Variants in KCNN3 observed in about 807,000 individuals in gnomAD.
The protein encoded by KCNN3 is potassium calcium-activated channel subfamily N member 3.
In KCNN3, 16 loss-of-function variants were observed where a neutral mutation model predicts 62.9. That is an observed-to-expected ratio of 0.25 (90% CI 0.17 to 0.39). The LOEUF (loss-of-function observed/expected upper bound fraction) is 0.39. KCNN3 is among the 10% of genes least tolerant of loss of function. KCNN3 has a pLI of 1.00. For missense variants in KCNN3, 599 were observed against 949.4 expected (o/e 0.63, Z 4.85); for synonymous variants, 370 against 389.2 (o/e 0.95, Z 0.58).
At chr1:154,806,166 T>G (rs1288039849) in intron 2 of KCNN3, among the ~76,000 whole-genome samples, 2 of 152,126 alleles carry the variant, frequency 1.3e-5, no homozygotes, top group East Asian at 3.8e-4. Context: ...GGGAGGCCCC[T>G]AGGGAGTGTT....
At chr1:154,798,916 A>ATTTT (rs56240234) in intron 2 of KCNN3, among the ~76,000 whole-genome samples, 29 of 131,280 alleles carry the variant, frequency 2.2e-4, no homozygotes, top group African/African-American at 7.3e-4. Context: ...CACTTATTGC[A>ATTTT]TTTTTTTTTT....
Position 154,772,040 on chromosome 1 carries a change from A to T in KCNN3, c.1383T>A (p.Thr461=). Residue 461 remains threonine, a synonymous_variant, in exon 3 of 8, where the codon ACT becomes ACA. Transcript: ENST00000271915. This position sits in a 1 kb window ranked among gnomAD's most constrained non-coding sequence, Gnocchi z 5.6. ...GAGAGATGCTGAACACGAGCAGCAC[A>T]GTGCCAGGGCAGATGGTCATGAGCG... is the stretch of plus-strand genomic sequence containing the variant. ...MKTLMTICPG[T]VLLVFSISLW... The T allele has an allele frequency of 6.2e-7, 1 of 1,614,188 alleles. No homozygotes were observed. The highest frequency in any genetic ancestry group is 8.5e-7 in the Non-Finnish European group (1 of 1,180,032).
In KCNN3 at chr1:154,728,374, T is replaced by C. The variant is rs566780684; in HGVS notation, c.1591-2348A>G. Among the ~76,000 whole-genome samples, 17 of 152,312 alleles carry C rather than the reference T, an allele frequency of 1.1e-4. No individual in the cohort carries two copies. In the South Asian group the frequency reaches 3.5e-3, roughly 32 times the overall value. On this transcript the variant is annotated intron_variant, in intron 4 of 7. Coordinates refer to ENST00000271915, the MANE Select transcript of KCNN3 (RefSeq NM_002249.6). Reference sequence around the variant, plus strand: ...AGGATGCTGCATTCTTAACCCTTAATTCCAACTTAAATGGATGCTCTCAGC... The same window carrying C: ...AGGATGCTGCATTCTTAACCCTTAACTCCAACTTAAATGGATGCTCTCAGC...
At chr1:154,776,957 T>A (rs745677208) in intron 2 of KCNN3, among the ~76,000 whole-genome samples, 1 of 152,198 alleles carries the variant, frequency 6.6e-6, no homozygotes, top group Non-Finnish European at 1.5e-5. Flanking sequence ...CCAGTCACAG[T>A]TGGAGCTCCA....
rs183539043 is a variant in KCNN3 at position 154,705,734 on chromosome 1, C to G, written c.*2242G>C. The G allele has an allele frequency of 2.0e-5, 3 of 152,202 alleles. No homozygotes were observed. Among genetic ancestry groups the G allele is most frequent in the African/African-American group, 7.2e-5 (3 of 41,426 alleles). The allele number at this position is 152,202 out of a possible 1,614,324, so 9.4% of individuals were successfully genotyped here. A position where few individuals can be genotyped will look rare whatever the true frequency, so the allele number is the denominator to read the frequency against. ...GCACACACCCACACTCACACCCACA[C>G]GCACACATATCACAGGGTTATAGCA... On this transcript the variant is annotated 3_prime_UTR_variant, in exon 8 of 8. Transcript: ENST00000271915.
chr1:154,758,768 G>T (rs1441745726), intron 3 of KCNN3, among the ~76,000 whole-genome samples: 1 of 151,038 alleles, frequency 6.6e-6, no homozygotes, highest in East Asian at 1.9e-4. Flanking sequence ...AGAGGAGTCT[G>T]TATTAAATGG....
chr1:154,869,651 G>A lies in KCNN3; in HGVS notation c.314C>T (p.Pro105Leu). 1 of 1,611,780 alleles carries A rather than the reference G, an allele frequency of 6.2e-7. No individual in the cohort carries two copies. Among genetic ancestry groups the A allele is most frequent in the Non-Finnish European group, 8.5e-7 (1 of 1,178,892 alleles). Residue 105 changes from proline to leucine, a missense_variant, in exon 1 of 8, where the codon CCC becomes CTC. By Grantham distance (98) the Pro-to-Leu change is moderately conservative. Transcript: ENST00000271915. This position sits in a 1 kb window ranked among gnomAD's most constrained non-coding sequence, Gnocchi z 6.1. ...PVHPGLLHSS[P>L]TAFRAPPSSN... ...CGAAGGGGGGGCCCTGAAAGCGGTG[G>A]GAGAGGAGTGCAGCAGGCCAGGGTG...
intron 1 of KCNN3, chr1:154,859,657 C>T: frequency 6.2e-7 from 1 of 1,603,530 alleles, no homozygotes; most frequent in Non-Finnish European, 8.5e-7. Flanking sequence ...TCTGCTTCCT[C>T]CTCCCTACCT....
rs573131787 is a variant in KCNN3 at position 154,862,621 on chromosome 1, G to A, written c.933+6411C>T. 1.6e-4 allele frequency among the ~76,000 whole-genome samples: 25 copies of A among 152,170 alleles called. No individual in the cohort carries two copies. Among genetic ancestry groups the A allele is most frequent in the African/African-American group, 5.1e-4 (21 of 41,522 alleles). On this transcript the variant is annotated intron_variant, in intron 1 of 7. Coordinates refer to ENST00000271915, the MANE Select transcript of KCNN3 (RefSeq NM_002249.6). This position sits in a 1 kb window ranked among gnomAD's most constrained non-coding sequence, Gnocchi z 4.1. ...CACAACCTGCCCGGTATCACCCTGA[G>A]GGCAGCAGCACCAGACCCCAGAGAG...
chr1:154,795,089 C>T (rs918630105), intron 2 of KCNN3, among the ~76,000 whole-genome samples: 2 of 152,124 alleles, frequency 1.3e-5, no homozygotes, highest in Non-Finnish European at 2.9e-5. Context: ...CACATTTACA[C>T]GGAAAATTCT....
intron 1 of KCNN3, among the ~76,000 whole-genome samples, chr1:154,860,737 G>T (rs944711116): frequency 6.6e-6 from 1 of 152,188 alleles, no homozygotes; most frequent in Non-Finnish European, 1.5e-5. Flanking sequence ...TGACATGGGC[G>T]CATATGCCCC....
chr1:154,711,994 AAG>A (rs767802472), intron 7 of KCNN3, among the ~76,000 whole-genome samples: 1 of 146,042 alleles, frequency 6.8e-6, no homozygotes, highest in African/African-American at 2.6e-5. Context: ...GACGGAGAGG[AAG>A]AGAGACAGGG....
intron 3 of KCNN3, among the ~76,000 whole-genome samples, chr1:154,733,355 C>T (rs139237947): frequency 3.7e-4 from 56 of 152,320 alleles, no homozygotes; most frequent in African/African-American, 1.3e-3. Context: ...GTTGGCCTCC[C>T]GCCATGAGCT....
intron 1 of KCNN3, among the ~76,000 whole-genome samples, chr1:154,846,947 C>T (rs1480680496): frequency 1.3e-5 from 2 of 152,166 alleles, no homozygotes; most frequent in Non-Finnish European, 2.9e-5. Context: ...ACCACCCACA[C>T]ATGGATGTGA....
At chr1:154,733,220 G>A in intron 3 of KCNN3, 76 bp from the exon 4 acceptor site, 1 of 1,477,590 alleles carries the variant, frequency 6.8e-7, no homozygotes, top group Non-Finnish European at 9.5e-7. Flanking sequence ...ACCTAGAGCG[G>A]GGAAGGAAAT....
chr1:154,821,938 C>T, intron 2 of KCNN3, 151 bp downstream of exon 2: 1 of 667,616 alleles, frequency 1.5e-6, no homozygotes, highest in Non-Finnish European at 2.7e-6. Flanking sequence ...GGGTCCAAAC[C>T]AGAAGAGAAG....
chr1:154,812,260 T>G (rs1650437277), intron 2 of KCNN3, among the ~76,000 whole-genome samples: 1 of 152,176 alleles, frequency 6.6e-6, no homozygotes, highest in Non-Finnish European at 1.5e-5. Context: ...ATATTCTTTT[T>G]TTTTCTTTTT....
At chr1:154,756,225 G>T in intron 3 of KCNN3, among the ~76,000 whole-genome samples, 1 of 150,358 alleles carries the variant, frequency 6.7e-6, no homozygotes, top group South Asian at 2.1e-4. Flanking sequence ...GGTAGAGGAG[G>T]AGGAAGAGCA....
rs1239270736 is a variant in KCNN3 at position 154,772,423 on chromosome 1, G to A, written c.1030-30C>T. 1.2e-6 allele frequency: 2 copies of A among 1,610,684 alleles called. No homozygotes were observed. The highest frequency in any genetic ancestry group is 1.7e-5 in the Admixed American group (1 of 59,776). On this transcript the variant is annotated intron_variant, in intron 2 of 7. Transcript: ENST00000271915. This position sits in a 1 kb window ranked among gnomAD's most constrained non-coding sequence, Gnocchi z 5.6. ...TGGGAGCAGAAAGTCCATTAGTGTG[G>A]CCAGGACCAGGAAGCCCACAGCAGG...
Sources: gnomAD v4.1 joint callset for allele counts (sites outside exome capture counted in the v4.1 genomes callset) on GRCh38, gnomAD v4.1.1 for gene constraint, Gnocchi (gnomAD v3.1) non-coding constraint, MANE v1.5 for transcripts, NCBI Gene and HGNC (gene_info 2026-07-23, HGNC 2026-07-21) for gene names.